The following GASK1A variants were observed in gnomAD, a reference collection of about 807,000 sequenced individuals.
The protein encoded by GASK1A is Golgi-associated kinase 1A.
A neutral mutation model predicts 41.2 loss-of-function variants in GASK1A; 40 were observed. That is an observed-to-expected ratio of 0.97 (90% confidence interval 0.75 to 1.27). The LOEUF (loss-of-function observed/expected upper bound fraction) is 1.27, where lower values mean the gene tolerates loss of function less well. Ranked by LOEUF, GASK1A falls within the 50% of genes most tolerant of loss-of-function variation. GASK1A has a pLI of 0.00. For missense variants in GASK1A, 678 were observed against 745.1 expected (o/e 0.91, Z 1.05); for synonymous variants, 316 against 307.1 (o/e 1.03, Z -0.30).
chr3:43,032,467 G>C lies in GASK1A; in HGVS notation c.204G>C (p.Arg68=). 6.4e-7 allele frequency: 1 copy of C among 1,551,092 alleles called. No homozygotes were observed. The highest frequency in any genetic ancestry group is 1.4e-5 in the African/African-American group (1 of 73,164). The change falls in exon 2 of 5, where the codon CGG becomes CGC. Residue 68 remains arginine (R), a synonymous_variant. Coordinates refer to ENST00000430121, the MANE Select transcript of GASK1A (RefSeq NM_001129908.3). ...THIRQALSSS[R]RQRARNMGFW... is the part of the protein sequence containing the mutation. ...TCCGGCAGGCTTTGAGCTCCAGCCG[G>C]AGGCAGCGGGCAAGAAACATGGGCT...
chr3:43,028,705 C>A (rs780073293), intron 1 of GASK1A, among the ~76,000 whole-genome samples: 1 of 152,170 alleles, frequency 6.6e-6, no homozygotes, highest in Non-Finnish European at 1.5e-5. Context: ...ATTCCAGATG[C>A]AGTCCAGGTT....
At chr3:43,039,841 T>G (rs2089626775) in intron 2 of GASK1A, among the ~76,000 whole-genome samples, 1 of 152,220 alleles carries the variant, frequency 6.6e-6, no homozygotes, top group Non-Finnish European at 1.5e-5. Context: ...TCCAGCTCCA[T>G]CCATGTTCTT....
chr3:42,995,628 C>T (rs533116313), intron 1 of GASK1A, among the ~76,000 whole-genome samples: 1 of 152,168 alleles, frequency 6.6e-6, no homozygotes, highest in African/African-American at 2.4e-5. Flanking sequence ...CGGTGAAGAG[C>T]GAGGTGGATT....
At chr3:42,986,434 A>G (rs1242300996) in intron 1 of GASK1A, among the ~76,000 whole-genome samples, 1 of 152,240 alleles carries the variant, frequency 6.6e-6, no homozygotes, top group Non-Finnish European at 1.5e-5. Context: ...TAAAACTCAT[A>G]GAATGATACA....
chr3:43,032,988 G>A lies in GASK1A; in HGVS notation c.725G>A (p.Cys242Tyr), dbSNP rs756642303. The A allele has an allele frequency of 2.4e-5, 38 of 1,551,618 alleles. No individual in the cohort carries two copies. The African/African-American group carries it at 4.4e-4, about 18-fold the overall frequency. ...GAGAAGCTGCAAGGGTCAGTATGGT[G>A]TGATGCTGAGACGCTGTTGAGCAGC... ...SVEKLQGSVW[C>Y]DAETLLSSSR... is the part of the protein sequence containing the mutation. The change falls in exon 2 of 5, where the codon TGT becomes TAT. Residue 242 changes from cysteine (C) to tyrosine (Y), a missense_variant. Coordinates refer to ENST00000430121, the MANE Select transcript of GASK1A (RefSeq NM_001129908.3).
intron 1 of GASK1A, among the ~76,000 whole-genome samples, chr3:42,994,388 A>G (rs2089358540): frequency 6.6e-6 from 1 of 152,070 alleles, no homozygotes; most frequent in African/African-American, 2.4e-5. Context: ...AATGCTGGGG[A>G]GGAAGCACTG....
chr3:43,057,172 T>C lies in GASK1A; in HGVS notation c.*786T>C, dbSNP rs2089720371. On this transcript the variant is annotated 3_prime_UTR_variant, in exon 5 of 5. Transcript: ENST00000430121. ...AATCTTTATTGGTGACTGCATGAAA[T>C]TCCAAGGCAGGGATGTGTCATATTT... 1 of 152,226 alleles carries C rather than the reference T, an allele frequency of 6.6e-6. No individual in the cohort carries two copies. Among genetic ancestry groups the C allele is most frequent in the Non-Finnish European group, 1.5e-5 (1 of 68,040 alleles). The allele number at this position is 152,226 out of a possible 1,614,324, so 9.4% of individuals were successfully genotyped here.
chr3:43,034,623 C>A (rs1575448045), intron 2 of GASK1A, among the ~76,000 whole-genome samples: 1 of 152,206 alleles, frequency 6.6e-6, no homozygotes, highest in Non-Finnish European at 1.5e-5. Context: ...TCAATGTCAG[C>A]CCTTAGGGTT....
At chr3:43,031,745 C>T (rs938648443) in intron 1 of GASK1A, among the ~76,000 whole-genome samples, 2 of 152,214 alleles carry the variant, frequency 1.3e-5, no homozygotes, top group Admixed American at 6.5e-5. Context: ...GCTCTCATGA[C>T]ATAGTCAGGG....
chr3:43,033,404 C>G lies in GASK1A; in HGVS notation c.1141C>G (p.Pro381Ala). 6.4e-7 allele frequency: 1 copy of G among 1,551,604 alleles called. No homozygotes were observed. The highest frequency in any genetic ancestry group is 8.7e-7 in the Non-Finnish European group (1 of 1,146,992). Residue 381 changes from proline (P) to alanine (A), a missense_variant, in exon 2 of 5, where the codon CCA (proline) becomes GCA (alanine). By Grantham distance (27) the Pro-to-Ala change is conservative. Transcript: ENST00000430121. Reference sequence around the variant, plus strand: ...ACCCGATGTGCAGCACCTGAGCGACCCAGATGAGGATCAGAACTCTCTGGC... The same window carrying G: ...ACCCGATGTGCAGCACCTGAGCGACGCAGATGAGGATCAGAACTCTCTGGC... Reference protein sequence around the residue: ...WAPDVQHLSDPDEDQNSLALG... With the variant: ...WAPDVQHLSDADEDQNSLALG...
chr3:42,989,080 G>A (rs894325510), intron 1 of GASK1A, among the ~76,000 whole-genome samples: 6 of 152,202 alleles, frequency 3.9e-5, no homozygotes, highest in Non-Finnish European at 8.8e-5. Context: ...TTAGCGGGCC[G>A]TAATTTCAAA....
chr3:42,980,477 TC>T (rs2089277233), intron 1 of GASK1A, among the ~76,000 whole-genome samples: 1 of 152,180 alleles, frequency 6.6e-6, no homozygotes, highest in Non-Finnish European at 1.5e-5. Flanking sequence ...CCTGGCTGCT[TC>T]CGTGCCTGCT....
Position 43,040,221 on chromosome 3 carries a change from C to T in GASK1A, c.1290+6668C>T, listed in dbSNP as rs181868542. On this transcript the variant is annotated intron_variant, in intron 2 of 4. Coordinates refer to ENST00000430121, the MANE Select transcript of GASK1A (RefSeq NM_001129908.3). ...TTTTTTCAGATGGCAACCCAAATGT[C>T]TCAGTGACATTTGTTGAATAATCAA... is the stretch of plus-strand genomic sequence containing the variant. Among the ~76,000 whole-genome samples the T allele has an allele frequency of 1.9e-3, 294 of 152,010 alleles. 3 individuals are homozygous for T. In the South Asian group the frequency reaches 0.021, roughly 11 times the overall value.
chr3:43,018,794 G>A (rs781205567), intron 1 of GASK1A, among the ~76,000 whole-genome samples: 9 of 152,166 alleles, frequency 5.9e-5, no homozygotes, highest in Non-Finnish European at 1.5e-5. Flanking sequence ...GATCAGTCCT[G>A]AACAGATAAG....
chr3:43,053,556 C>G lies in GASK1A; in HGVS notation c.1326C>G (p.Phe442Leu), dbSNP rs1467900399. Residue 442 changes from phenylalanine to leucine, a missense_variant, in exon 3 of 5, where the codon TTC (phenylalanine) becomes TTG (leucine). Transcript: ENST00000430121. ...GCTTGGATCGCTACTGCTGTGGCTT[C>G]GAGCCTGAGCCCTCAGACCCCTGTG... ...HDRLDRYCCG[F>L]EPEPSDPCVE... 6.4e-7 allele frequency: 1 copy of G among 1,551,538 alleles called. No homozygotes were observed. The highest frequency in any genetic ancestry group is 1.2e-5 in the South Asian group (1 of 84,044).
At chr3:43,039,274 C>T (rs1334850812) in intron 2 of GASK1A, among the ~76,000 whole-genome samples, 1 of 144,658 alleles carries the variant, frequency 6.9e-6, no homozygotes, top group East Asian at 2.1e-4. Flanking sequence ...GCAATCTTGG[C>T]TCATTGCAAC....
At chr3:43,030,460 A>G in intron 1 of GASK1A, among the ~76,000 whole-genome samples, 1 of 152,236 alleles carries the variant, frequency 6.6e-6, no homozygotes, top group Non-Finnish European at 1.5e-5. Context: ...GAAGAGCCCC[A>G]GGCGGTGGCT....
At chr3:43,048,359 A>ACATC (rs1199357194) in intron 2 of GASK1A, among the ~76,000 whole-genome samples, 1 of 152,172 alleles carries the variant, frequency 6.6e-6, no homozygotes, top group African/African-American at 2.4e-5. Context: ...AAGAGCCTGG[A>ACATC]CATGTGACAG....
intron 2 of GASK1A, among the ~76,000 whole-genome samples, chr3:43,040,264 A>C (rs2089629681): frequency 1.3e-5 from 1 of 78,270 alleles, no homozygotes; most frequent in South Asian, 3.3e-4. Flanking sequence ...CTCAACTTGA[A>C]AGGCTACCTT....
Sources: gnomAD v4.1 joint callset for allele counts (sites outside exome capture counted in the v4.1 genomes callset) on GRCh38, gnomAD v4.1.1 for gene constraint, MANE v1.5 for transcripts, NCBI Gene and HGNC (gene_info 2026-07-23, HGNC 2026-07-21) for gene names.